Variants in ANKRD27 observed in about 807,000 individuals in gnomAD.
ANKRD27 encodes ankyrin repeat domain-containing protein 27.
ANKRD27 carries 112 observed loss-of-function variants against 129.7 expected under a neutral mutation model. That is an observed-to-expected ratio of 0.86 (90% CI 0.74 to 1.01). The LOEUF is 1.01. Among genes scored for constraint, ANKRD27 ranks in the 50% least tolerant of loss-of-function variants. The pLI is 0.00. For synonymous variants in ANKRD27, 516 were observed against 511.2 expected, an observed-to-expected ratio of 1.01 and a Z score of -0.13; for missense variants, 1,258 against 1,300.5, an observed-to-expected ratio of 0.97 and a Z score of 0.50.
intron 1 of ANKRD27, chr19:32,673,462 A>C (rs958117660): frequency 2.0e-6 from 2 of 984,948 alleles, no homozygotes; most frequent in Non-Finnish European, 2.4e-6. Flanking sequence ...ATTCCCCTGC[A>C]CTCCCCACCA....
At chr19:32,665,257 G>T (rs1394029325) in intron 1 of ANKRD27, among the ~76,000 whole-genome samples, 2 of 150,476 alleles carry the variant, frequency 1.3e-5, no homozygotes, top group Non-Finnish European at 3.0e-5. Context: ...AATCCTATTA[G>T]GATTTTTATT....
chr19:32,627,362 T>TTTTATTTATATA (rs1966902791), intron 15 of ANKRD27, among the ~76,000 whole-genome samples: 2 of 132,256 alleles, frequency 1.5e-5, no homozygotes, highest in Admixed American at 7.9e-5. Flanking sequence ...GTGCACTTTA[T>TTTTATTTATATA]TTTATTTATT....
At chr19:32,652,240 C>T (rs1232297316) in intron 2 of ANKRD27, among the ~76,000 whole-genome samples, 2 of 152,090 alleles carry the variant, frequency 1.3e-5, no homozygotes, top group African/African-American at 4.8e-5. Context: ...AATTTCAAGG[C>T]TTAACCAAAA....
chr19:32,641,665 C>T (rs1177136614), intron 10 of ANKRD27, among the ~76,000 whole-genome samples: 2 of 152,050 alleles, frequency 1.3e-5, no homozygotes, highest in Non-Finnish European at 2.9e-5. Context: ...ATATGCATTC[C>T]TGTTTATTTC....
chr19:32,600,438 G>A (rs748190216), intron 26 of ANKRD27, among the ~76,000 whole-genome samples: 1 of 152,164 alleles, frequency 6.6e-6, no homozygotes, highest in Non-Finnish European at 1.5e-5. Context: ...CTACTCAAGA[G>A]GCTGAGGCAG....
rs187538224 is a variant in ANKRD27, at chr19:32,601,076, A to G, written c.2767+939T>C. On this transcript the variant is annotated intron_variant, in intron 26 of 28. Coordinates refer to ENST00000306065, the MANE Select transcript of ANKRD27 (RefSeq NM_032139.3). ...CACTTTGGGAGGCCAAGGAGGGCGG[A>G]TCACTTGAGGTCAGGAGTTTGAGAC... 1.1e-4 allele frequency among the ~76,000 whole-genome samples: 16 copies of G among 152,212 alleles called. No individual in the cohort carries two copies. The East Asian group carries it at 2.7e-3, about 26-fold the overall frequency.
chr19:32,674,951 C>T (rs188196803), intron 1 of ANKRD27, 120 bp downstream of exon 1: 7,749 of 152,034 alleles, frequency 0.051, 275 homozygotes, highest in African/African-American at 0.091. Flanking sequence ...GGAGCGGACT[C>T]CGGAGAGCAG....
intron 14 of ANKRD27, among the ~76,000 whole-genome samples, chr19:32,628,389 C>G (rs1343676219): frequency 6.6e-6 from 1 of 152,184 alleles, no homozygotes; most frequent in Non-Finnish European, 1.5e-5. Context: ...CCACACCCAG[C>G]AAAATAGCCT....
intron 1 of ANKRD27, among the ~76,000 whole-genome samples, chr19:32,663,892 T>A (rs1387349464): frequency 6.6e-6 from 1 of 150,668 alleles, no homozygotes; most frequent in Non-Finnish European, 1.5e-5. Flanking sequence ...CCGTCTCTAC[T>A]AAAAATACAA....
At chr19:32,607,926 A>ATTGTGTGTGGGAG in intron 22 of ANKRD27, 94 bp from the exon 23 acceptor site, 2 of 1,266,030 alleles carry the variant, frequency 1.6e-6, no homozygotes, top group Non-Finnish European at 2.2e-6. Flanking sequence ...CAGCTCCCAC[A>ATTGTGTGTGGGAG]CACAATGCGG....
At chr19:32,672,008 T>C (rs1010499541) in intron 1 of ANKRD27, among the ~76,000 whole-genome samples, 3 of 152,168 alleles carry the variant, frequency 2.0e-5, no homozygotes, top group African/African-American at 7.2e-5. Flanking sequence ...ACCGTCCTGC[T>C]AGCCCAGATA....
intron 3 of ANKRD27, among the ~76,000 whole-genome samples, chr19:32,649,417 C>T (rs1363684053): frequency 6.6e-6 from 1 of 151,700 alleles, no homozygotes; most frequent in African/African-American, 2.4e-5. Flanking sequence ...CAGCGACACA[C>T]GGCAGAAACC....
At chr19:32,662,750 A>G (rs1003700643) in intron 1 of ANKRD27, among the ~76,000 whole-genome samples, 2 of 151,868 alleles carry the variant, frequency 1.3e-5, no homozygotes, top group Non-Finnish European at 2.9e-5. Context: ...TCTTTAAAAA[A>G]CAAAAAAAAA....
intron 12 of ANKRD27, among the ~76,000 whole-genome samples, chr19:32,633,082 T>C (rs1475053797): frequency 2.0e-5 from 3 of 152,118 alleles, no homozygotes; most frequent in Non-Finnish European, 4.4e-5. Flanking sequence ...CACATTGTTA[T>C]CCGGGTAAAT....
intron 26 of ANKRD27, 122 bp from the exon 27 acceptor site, chr19:32,600,172 GA>G: frequency 2.7e-6 from 2 of 739,820 alleles, no homozygotes; most frequent in Non-Finnish European, 4.4e-6. Context: ...CTGAAGCACT[GA>G]ATTTGCTTAA....
chr19:32,642,101 T>G lies in ANKRD27; in HGVS notation c.827A>C (p.Lys276Thr). The change falls in exon 10 of 29, where the codon AAA becomes ACA. Residue 276 changes from lysine (K) to threonine (T), a missense_variant. Transcript: ENST00000306065. The part of the protein sequence containing the change: ...RAKRELAQLN[K>T]CTSPQQKLVC... ...AAGCTTCTGCTGTGGGGAGGTGCAT[T>G]TGTTCAGCTGAGCCAGCTCTCTTTT... 1 of 1,610,684 alleles carries G rather than the reference T, an allele frequency of 6.2e-7. No individual in the cohort carries two copies. Among genetic ancestry groups the G allele is most frequent in the South Asian group, 1.1e-5 (1 of 90,814 alleles).
chr19:32,670,309 CT>C (rs1967843476), intron 1 of ANKRD27, among the ~76,000 whole-genome samples: 1 of 152,194 alleles, frequency 6.6e-6, no homozygotes, highest in Non-Finnish European at 1.5e-5. Flanking sequence ...ATTCAAAGAG[CT>C]CTGTCCTTTC....
chr19:32,649,687 C>T lies in ANKRD27; in HGVS notation c.208G>A (p.Gly70Arg), dbSNP rs748438224. 1 of 1,606,654 alleles carries T rather than the reference C, an allele frequency of 6.2e-7. No homozygotes were observed. The highest frequency in any genetic ancestry group is 8.5e-7 in the Non-Finnish European group (1 of 1,173,376). The change falls in exon 3 of 29, where the codon GGA becomes AGA. Residue 70 changes from glycine (G) to arginine (R), a missense_variant. Coordinates refer to ENST00000306065, the MANE Select transcript of ANKRD27 (RefSeq NM_032139.3). ...ATCCACCAAGAAATGAATACCTTTCCATTTAAGGTCTGAAAATGCTCTTCC... is the reference window on the plus strand; with the variant it reads ...ATCCACCAAGAAATGAATACCTTTCTATTTAAGGTCTGAAAATGCTCTTCC... ...PVEEHFQTLN[G>R]KDVFIQGNRI...
At chr19:32,602,858 C>T (rs1323872116) in intron 25 of ANKRD27, among the ~76,000 whole-genome samples, 1 of 151,906 alleles carries the variant, frequency 6.6e-6, no homozygotes, top group African/African-American at 2.4e-5. Context: ...CATTATACTC[C>T]AGCCTGGGCA....
Sources: allele counts gnomAD v4.1 joint callset (sites outside exome capture counted in the v4.1 genomes callset), GRCh38; gene constraint gnomAD v4.1.1; transcripts MANE v1.5; gene names NCBI Gene and HGNC (gene_info 2026-07-23, HGNC 2026-07-21).